The following IFI44L variants were observed in gnomAD, a reference collection of about 807,000 sequenced individuals.
The protein encoded by IFI44L is interferon induced protein 44 like, also known as interferon-induced protein 44-like.
In IFI44L, 40 loss-of-function variants were observed where a neutral mutation model predicts 39.3. The observed-to-expected ratio is 1.02, with a 90% confidence interval of 0.79 to 1.33. IFI44L has a LOEUF of 1.33. Ranked by LOEUF, IFI44L falls within the 40% of genes most tolerant of loss-of-function variation. The pLI, the probability that IFI44L is intolerant of heterozygous loss-of-function variation, is 0.00. For synonymous variants in IFI44L, 198 were observed against 182.3 expected, an observed-to-expected ratio of 1.09 and a Z score of -0.69; for missense variants, 623 against 549.0, an observed-to-expected ratio of 1.13 and a Z score of -1.35.
chr1:78,641,372 A>G (rs755050973), intron 7 of IFI44L, 63 bp from the exon 8 acceptor site: 1 of 1,462,994 alleles, frequency 6.8e-7, no homozygotes, highest in Non-Finnish European at 9.4e-7. Flanking sequence ...AATTGTATTT[A>G]AAATTGGTCA....
At chr1:78,635,692 A>C (rs567353479) in intron 5 of IFI44L, 1 of 568,706 alleles carries the variant, frequency 1.8e-6, no homozygotes, top group East Asian at 3.0e-5. Context: ...AATAAAGCCA[A>C]AAGGCAGGAT....
intron 1 of IFI44L, among the ~76,000 whole-genome samples, chr1:78,624,669 A>G (rs1426259302): frequency 6.6e-6 from 1 of 152,164 alleles, no homozygotes; most frequent in African/African-American, 2.4e-5. Context: ...TAAAGTATTG[A>G]AAGTGGGCTA....
chr1:78,643,162 T>TTTTTTTTTTTTTTTTTTTTTTTTTTTTGA lies in IFI44L; in HGVS notation c.*1353_*1354insTTTTTTTTTTTTTTTTTTTTTTTTTTTGA, dbSNP rs1359225810. 1 of 151,834 alleles carries TTTTTTTTTTTTTTTTTTTTTTTTTTTTGA rather than the reference T, an allele frequency of 6.6e-6. No homozygotes were observed. The highest frequency in any genetic ancestry group is 1.5e-5 in the Non-Finnish European group (1 of 67,968). The allele number at this position is 151,834 out of a possible 1,614,324, so 9.4% of individuals were successfully genotyped here. ...ATATTAAGAAAGCAAGAGTTTCTTA[T>TTTTTTTTTTTTTTTTTTTTTTTTTTTTGA]GTCCAGTTATGGAATATTTCCTAAA... On this transcript the variant is annotated 3_prime_UTR_variant, in exon 9 of 9. Coordinates refer to ENST00000370751, the MANE Select transcript of IFI44L (RefSeq NM_006820.4).
intron 1 of IFI44L, chr1:78,625,805 A>G (rs566585231): frequency 9.2e-5 from 14 of 152,024 alleles, no homozygotes; most frequent in South Asian, 6.2e-4. Flanking sequence ...GTAACATTTT[A>G]TCTTCATTGT....
Position 78,641,486 on chromosome 1 carries a change from G to A in IFI44L, c.1201G>A (p.Val401Ile). The A allele has an allele frequency of 2.5e-6, 4 of 1,613,490 alleles. No homozygotes were observed. The highest frequency in any genetic ancestry group is 3.4e-6 in the Non-Finnish European group (4 of 1,179,588). ...LGIPISNILM[V>I]GNYASDLELD... ...CATTCCTATTTCCAATATTTTGATG[G>A]TTGGAAATTATGCTTCAGATTTGGA... The change falls in exon 8 of 9, where the codon GTT becomes ATT. Residue 401 changes from valine to isoleucine, a missense_variant. Coordinates refer to ENST00000370751, the MANE Select transcript of IFI44L (RefSeq NM_006820.4).
At position 78,635,355 on chromosome 1, in the gene IFI44L, A is replaced by G; in HGVS notation, c.742A>G (p.Lys248Glu). Residue 248 changes from lysine (K) to glutamate (E), a missense_variant, in exon 5 of 9, where the codon AAA becomes GAA. Transcript: ENST00000370751. ...TTAACAGTATAGGATATATTCTGTTAAAGATGGAAAAAATGGAAAATCTCT... is the reference window on the plus strand; with the variant it reads ...TTAACAGTATAGGATATATTCTGTTGAAGATGGAAAAAATGGAAAATCTCT... The part of the protein sequence containing the change: ...ITERYRIYSV[K>E]DGKNGKSLPF... 2 of 1,606,808 alleles carry G rather than the reference A, an allele frequency of 1.2e-6. No individual in the cohort carries two copies. The highest frequency in any genetic ancestry group is 1.7e-6 in the Non-Finnish European group (2 of 1,173,506).
At chr1:78,633,873 G>A (rs1413580442) in intron 4 of IFI44L, among the ~76,000 whole-genome samples, 1 of 151,976 alleles carries the variant, frequency 6.6e-6, no homozygotes, top group African/African-American at 2.4e-5. Flanking sequence ...AAATTTAATA[G>A]AAAGGTTGTA....
At chr1:78,632,069 A>G (rs1170856419) in intron 4 of IFI44L, among the ~76,000 whole-genome samples, 1 of 152,194 alleles carries the variant, frequency 6.6e-6, no homozygotes, top group Non-Finnish European at 1.5e-5. Context: ...TCTAATGCAT[A>G]TTGAAAATTG....
intron 1 of IFI44L, among the ~76,000 whole-genome samples, chr1:78,621,460 C>T (rs371356310): frequency 1.3e-5 from 2 of 151,918 alleles, no homozygotes; most frequent in African/African-American, 4.8e-5. Context: ...TTAGTAGAGA[C>T]GAGGTTTCAC....
chr1:78,638,396 A>G (rs1237567314), intron 6 of IFI44L, among the ~76,000 whole-genome samples: 1 of 152,098 alleles, frequency 6.6e-6, no homozygotes, highest in African/African-American at 2.4e-5. Context: ...TTGTCTTACT[A>G]TTATGATGAT....
At chr1:78,632,991 AG>A (rs1387908577) in intron 4 of IFI44L, among the ~76,000 whole-genome samples, 23 of 152,228 alleles carry the variant, frequency 1.5e-4, no homozygotes, top group Non-Finnish European at 1.5e-5. Context: ...AGGTCTCTCC[AG>A]CAATCATTCC....
chr1:78,640,836 A>G (rs1019025669), intron 6 of IFI44L, among the ~76,000 whole-genome samples, 185 bp from the exon 7 acceptor site: 7 of 151,992 alleles, frequency 4.6e-5, no homozygotes, highest in Admixed American at 2.6e-4. Context: ...CACATGTTGG[A>G]AAAAAAAGAT....
chr1:78,635,467 G>T lies in IFI44L; in HGVS notation c.854G>T (p.Gly285Val). The part of the protein sequence containing the change: ...CMDDIPHILK[G>V]CMPDRYQFNS... The stretch of plus-strand genomic sequence containing the variant: ...GATGACATTCCCCACATCTTAAAAG[G>T]TTGTATGCCAGACAGATATCAGGTA... The change falls in exon 5 of 9, where the codon GGT (glycine) becomes GTT (valine). Residue 285 changes from glycine to valine, a missense_variant. By Grantham distance (109) the Gly-to-Val change is moderately radical. Coordinates refer to ENST00000370751, the MANE Select transcript of IFI44L (RefSeq NM_006820.4). The T allele has an allele frequency of 6.2e-7, 1 of 1,613,158 alleles. No individual in the cohort carries two copies. The highest frequency in any genetic ancestry group is 8.5e-7 in the Non-Finnish European group (1 of 1,179,606).
intron 4 of IFI44L, chr1:78,631,569 A>G (rs1291909718): frequency 6.6e-6 from 1 of 152,182 alleles, no homozygotes; most frequent in Non-Finnish European, 1.5e-5. Flanking sequence ...ATCTTCCCAA[A>G]TCGTCCATAT....
intron 1 of IFI44L, among the ~76,000 whole-genome samples, chr1:78,621,402 C>G (rs946733748): frequency 6.6e-6 from 1 of 151,892 alleles, no homozygotes; most frequent in Non-Finnish European, 1.5e-5. Context: ...CTCCCAAGTA[C>G]CTGGGATTAC....
intron 2 of IFI44L, 74 bp from the exon 3 acceptor site, chr1:78,628,877 T>C: frequency 9.9e-7 from 1 of 1,008,544 alleles, no homozygotes; most frequent in Non-Finnish European, 1.6e-6. Flanking sequence ...CCATGTCTTA[T>C]TTCAAAAGTA....
In IFI44L at chr1:78,627,998, A is replaced by G. The variant is rs1038804009; in HGVS notation, c.83A>G (p.Tyr28Cys). 6.8e-6 allele frequency: 11 copies of G among 1,612,878 alleles called. No homozygotes were observed. Among genetic ancestry groups the G allele is most frequent in the East Asian group, 2.2e-5 (1 of 44,794 alleles). ...GGAAATGTTTCTTTGAGTCTTCTCT[A>G]TAAGTCTAGTGTTCATGGAGGTAGC... ...LLGNVSLSLL[Y>C]KSSVHGGSIE... Residue 28 changes from tyrosine to cysteine, a missense_variant, in exon 2 of 9, where the codon TAT (tyrosine) becomes TGT (cysteine). Tyr to Cys is a radical substitution (Grantham distance 194). Coordinates refer to ENST00000370751, the MANE Select transcript of IFI44L (RefSeq NM_006820.4).
intron 5 of IFI44L, chr1:78,635,769 G>A: frequency 5.2e-6 from 2 of 387,200 alleles, no homozygotes; most frequent in Non-Finnish European, 9.3e-6. Context: ...TTACAATAAT[G>A]TAAACTAATG....
chr1:78,628,541 G>A (rs1652593059), intron 2 of IFI44L, 148 bp downstream of exon 2: 2 of 614,532 alleles, frequency 3.3e-6, no homozygotes, highest in African/African-American at 1.9e-5. Context: ...ATGAAACGTG[G>A]GGAACATAAG....
Sources: allele counts gnomAD v4.1 joint callset (sites outside exome capture counted in the v4.1 genomes callset), GRCh38; gene constraint gnomAD v4.1.1; transcripts MANE v1.5; gene names NCBI Gene and HGNC (gene_info 2026-07-23, HGNC 2026-07-21).